ARHGAP24: variants seen among roughly 807,000 people sequenced by gnomAD.
ARHGAP24 encodes the protein rho GTPase-activating protein 24.
In ARHGAP24, 50 loss-of-function variants were observed where a neutral mutation model predicts 76.4. The observed-to-expected ratio is 0.65, with a 90% CI of 0.52 to 0.83. The LOEUF (loss-of-function observed/expected upper bound fraction) is 0.83, where lower values mean the gene tolerates loss of function less well. ARHGAP24 is among the 40% of genes least tolerant of loss of function. ARHGAP24 has a pLI of 0.00. For synonymous variants in ARHGAP24, 345 were observed against 323.3 expected, an observed-to-expected ratio of 1.07 and a Z score of -0.72; for missense variants, 930 against 914.2, an observed-to-expected ratio of 1.02 and a Z score of -0.22.
At chr4:85,738,393 TATTATTATTATC>T (rs1446136215) in intron 3 of ARHGAP24, among the ~76,000 whole-genome samples, 383 of 134,798 alleles carry the variant, frequency 2.8e-3, no homozygotes, top group African/African-American at 9.6e-3. Flanking sequence ...TTATTATTAT[TATTATTATTATC>T]ATTATTATTA....
chr4:85,608,647 T>A (rs1720285510), intron 2 of ARHGAP24, among the ~76,000 whole-genome samples: 1 of 140,294 alleles, frequency 7.1e-6, no homozygotes, highest in African/African-American at 2.6e-5. Flanking sequence ...AACCTCCACC[T>A]TCCTAGTTCA....
intron 1 of ARHGAP24, among the ~76,000 whole-genome samples, chr4:85,526,068 G>C (rs1283806699): frequency 6.6e-6 from 1 of 152,110 alleles, no homozygotes; most frequent in Non-Finnish European, 1.5e-5. Flanking sequence ...CCAGATACCT[G>C]TATTGATAAA....
intron 5 of ARHGAP24, among the ~76,000 whole-genome samples, chr4:85,964,125 G>A (rs1738430758): frequency 6.6e-6 from 1 of 152,016 alleles, no homozygotes; most frequent in African/African-American, 2.4e-5. Flanking sequence ...GAATATATAT[G>A]AACCAGGCAT....
chr4:85,727,453 T>C (rs1725210643), intron 3 of ARHGAP24, among the ~76,000 whole-genome samples: 3 of 152,118 alleles, frequency 2.0e-5, no homozygotes, highest in African/African-American at 7.2e-5. Flanking sequence ...TTTGAAAGCA[T>C]GTTCTAAGGC....
intron 2 of ARHGAP24, among the ~76,000 whole-genome samples, chr4:85,685,726 A>G (rs549165336): frequency 6.6e-6 from 1 of 152,206 alleles, no homozygotes; most frequent in South Asian, 2.1e-4. Context: ...TATATATTTT[A>G]GGTTTTTGTT....
chr4:85,601,450 A>T (rs922567851), intron 2 of ARHGAP24, among the ~76,000 whole-genome samples: 2 of 152,128 alleles, frequency 1.3e-5, no homozygotes, highest in African/African-American at 4.8e-5. Flanking sequence ...ACTCAGTACT[A>T]TTGGAATTAG....
intron 9 of ARHGAP24, among the ~76,000 whole-genome samples, chr4:85,998,823 C>A (rs955516257): frequency 1.3e-5 from 2 of 152,100 alleles, no homozygotes; most frequent in African/African-American, 4.8e-5. Context: ...TTGTAGTTTT[C>A]TGCCTGCCTA....
chr4:85,793,276 G>A (rs1380559899), intron 3 of ARHGAP24, among the ~76,000 whole-genome samples: 2 of 152,008 alleles, frequency 1.3e-5, no homozygotes, highest in African/African-American at 2.4e-5. Context: ...TAATTCAAAC[G>A]GCTCATTTAC....
intron 2 of ARHGAP24, among the ~76,000 whole-genome samples, chr4:85,709,907 GA>G (rs1724461538): frequency 6.6e-6 from 1 of 152,094 alleles, no homozygotes; most frequent in African/African-American, 2.4e-5. Context: ...TCATGGATAG[GA>G]AGAACTAATA....
At chr4:85,832,639 G>A (rs345364) in intron 3 of ARHGAP24, among the ~76,000 whole-genome samples, 124,320 of 152,138 alleles carry the variant, frequency 0.82, 52,746 homozygotes, top group Non-Finnish European at 0.95. Context: ...CAGAACTTTA[G>A]AATGGTGGGA....
Position 85,714,243 on chromosome 4 carries a change from G to A in ARHGAP24, c.181-7642G>A, listed in dbSNP as rs115612753. 4.4e-3 allele frequency among the ~76,000 whole-genome samples: 663 copies of A among 152,164 alleles called. 8 individuals carry two copies. Among genetic ancestry groups the A allele is most frequent in the African/African-American group, 0.015 (639 of 41,522 alleles). Reference sequence around the variant, plus strand: ...ATTAACATGGGGTAAAGGATCCTCCGGTCTAAAAAGAAAGTGTTAAACGTT... The same window carrying A: ...ATTAACATGGGGTAAAGGATCCTCCAGTCTAAAAAGAAAGTGTTAAACGTT... On this transcript the variant is annotated intron_variant, in intron 2 of 9. Transcript: ENST00000395184.
chr4:85,805,543 A>C (rs1023233581), intron 3 of ARHGAP24, among the ~76,000 whole-genome samples: 2 of 152,186 alleles, frequency 1.3e-5, no homozygotes, highest in African/African-American at 4.8e-5. Flanking sequence ...TTTTCTCCTC[A>C]GCTGTGTTGA....
At chr4:85,564,401 G>T (rs1051099728) in intron 1 of ARHGAP24, among the ~76,000 whole-genome samples, 37 of 145,298 alleles carry the variant, frequency 2.5e-4, no homozygotes, top group African/African-American at 8.2e-4. Context: ...TGTGGGGTGG[G>T]GGGAGCGGGG....
At chr4:85,920,789 C>T (rs931842364) in intron 3 of ARHGAP24, among the ~76,000 whole-genome samples, 5 of 152,166 alleles carry the variant, frequency 3.3e-5, no homozygotes, top group South Asian at 4.1e-4. Context: ...CATCATTGAT[C>T]GTTAGAGAAA....
chr4:85,690,758 GTT>G (rs57175662), intron 2 of ARHGAP24, among the ~76,000 whole-genome samples: 4 of 130,752 alleles, frequency 3.1e-5, no homozygotes, highest in South Asian at 2.4e-4. Flanking sequence ...TGTCAATCTT[GTT>G]TTTTTTTTTT....
intron 3 of ARHGAP24, among the ~76,000 whole-genome samples, chr4:85,749,097 G>T (rs1401059922): frequency 6.6e-6 from 1 of 152,200 alleles, no homozygotes; most frequent in African/African-American, 2.4e-5. Flanking sequence ...AATTGAGCAT[G>T]AAGTGCTCTA....
intron 3 of ARHGAP24, among the ~76,000 whole-genome samples, chr4:85,825,926 C>A (rs1421837983): frequency 6.6e-6 from 1 of 152,176 alleles, no homozygotes; most frequent in African/African-American, 2.4e-5. Context: ...CCATGCAGAT[C>A]TTGATTGTAA....
At chr4:85,853,941 G>C (rs556466358) in intron 3 of ARHGAP24, among the ~76,000 whole-genome samples, 1 of 149,506 alleles carries the variant, frequency 6.7e-6, no homozygotes, top group Non-Finnish European at 1.5e-5. Context: ...CACAGAGCCA[G>C]AATCGGTCAA....
chr4:85,912,703 C>T (rs1026478939), intron 3 of ARHGAP24, among the ~76,000 whole-genome samples: 4 of 152,072 alleles, frequency 2.6e-5, no homozygotes, highest in African/African-American at 7.2e-5. Flanking sequence ...AATTAAATAA[C>T]GTTGCCAATA....
Sources: allele counts gnomAD v4.1 joint callset (sites outside exome capture counted in the v4.1 genomes callset), GRCh38; gene constraint gnomAD v4.1.1; transcripts MANE v1.5; gene names NCBI Gene and HGNC (gene_info 2026-07-23, HGNC 2026-07-21).